Variants in TUSC3 observed in about 807,000 individuals in gnomAD.
TUSC3 encodes the protein tumor suppressor candidate 3.
In TUSC3, 45 loss-of-function variants were observed where a neutral mutation model predicts 44.8. The observed-to-expected ratio is 1.00, with a 90% confidence interval of 0.79 to 1.29. The LOEUF is 1.29. TUSC3 is among the 50% of genes most tolerant of loss of function. TUSC3 has a pLI of 0.00. For synonymous variants in TUSC3, 212 were observed against 152.9 expected (o/e 1.39, Z -2.85); for missense variants, 519 against 437.9 (o/e 1.19, Z -1.65).
the TUSC3 span, among the ~76,000 whole-genome samples, chr8:15,846,657 G>C: frequency 6.9e-4 from 105 of 152,130 alleles, no homozygotes; most frequent in Middle Eastern, 0.014. Context: ...TGGGAATTGA[G>C]GAGTTGAACA....
chr8:15,582,880 A>G (rs1242925301), intron 1 of TUSC3, among the ~76,000 whole-genome samples: 5 of 152,206 alleles, frequency 3.3e-5, no homozygotes, highest in Admixed American at 3.3e-4. Flanking sequence ...TTTTTAGAAG[A>G]CCTACAACCT....
chr8:15,459,854 G>A (rs2410271), intron 1 of TUSC3, among the ~76,000 whole-genome samples: 18,015 of 139,738 alleles, frequency 0.13, 1,335 homozygotes, highest in East Asian at 0.29. Context: ...GTGTGTGTGT[G>A]TATGTGTGTG....
At chr8:15,588,910 C>G (rs557160513) in intron 1 of TUSC3, among the ~76,000 whole-genome samples, 1 of 152,110 alleles carries the variant, frequency 6.6e-6, no homozygotes, top group South Asian at 2.1e-4. Flanking sequence ...TTCCATTGGC[C>G]TTTGTGTCTG....
At chr8:15,664,705 G>A (rs972565305) in intron 5 of TUSC3, among the ~76,000 whole-genome samples, 2 of 149,478 alleles carry the variant, frequency 1.3e-5, no homozygotes, top group African/African-American at 4.9e-5. Flanking sequence ...TGCATCTCTT[G>A]CAGTTTTTCT....
chr8:15,548,705 T>G (rs1801956246), intron 1 of TUSC3, among the ~76,000 whole-genome samples: 1 of 151,958 alleles, frequency 6.6e-6, no homozygotes, highest in African/African-American at 2.4e-5. Context: ...TCTAAAATCA[T>G]TCTACTAAGG....
chr8:15,769,576 C>T (rs1812405669), downstream of TUSC3, among the ~76,000 whole-genome samples: 1 of 152,026 alleles, frequency 6.6e-6, no homozygotes, highest in Non-Finnish European at 1.5e-5. Flanking sequence ...AAAATTGATA[C>T]ATGGGATCTA....
intron 1 of TUSC3, among the ~76,000 whole-genome samples, chr8:15,572,165 A>G (rs568941048): frequency 9.7e-4 from 148 of 152,202 alleles, no homozygotes; most frequent in African/African-American, 3.4e-3. Context: ...TGTTTAGTCT[A>G]CTCTGAACAT....
chr8:15,563,444 T>C (rs1286378153), intron 1 of TUSC3, among the ~76,000 whole-genome samples: 1 of 151,938 alleles, frequency 6.6e-6, no homozygotes, highest in East Asian at 1.9e-4. Context: ...TCCCAGCATT[T>C]TGGGAGGCTG....
Position 15,638,768 on chromosome 8 carries a change from C to T in TUSC3, c.309-11929C>T, listed in dbSNP as rs192477642. 9.2e-5 allele frequency among the ~76,000 whole-genome samples: 14 copies of T among 152,296 alleles called. No individual in the cohort carries two copies. The East Asian group carries it at 2.7e-3, about 29-fold the overall frequency. On this transcript the variant is annotated intron_variant, in intron 2 of 10. Transcript: ENST00000503731. ...CTCAACCTCCCAACCTCAAGTGATC[C>T]ACCTGCCTTGGCCTCCCAAAGTGCT... is the stretch of plus-strand genomic sequence containing the variant.
chr8:15,726,322 T>C (rs1473734158), intron 6 of TUSC3, among the ~76,000 whole-genome samples: 1 of 152,186 alleles, frequency 6.6e-6, no homozygotes, highest in Non-Finnish European at 1.5e-5. Flanking sequence ...GTATGTTACT[T>C]GAAATTAAGA....
chr8:15,851,227 AAT>A, the TUSC3 span, among the ~76,000 whole-genome samples: 51 of 152,288 alleles, frequency 3.3e-4, no homozygotes, highest in Non-Finnish European at 6.3e-4. Context: ...TTGTGAAAAT[AAT>A]AACAATAATT....
upstream of TUSC3, among the ~76,000 whole-genome samples, chr8:15,539,698 T>C (rs917515745): frequency 6.6e-6 from 1 of 152,154 alleles, no homozygotes; most frequent in Non-Finnish European, 1.5e-5. Context: ...GAAGTAAGTC[T>C]ATTCGTTTTT....
At chr8:15,579,873 G>A (rs1803257427) in intron 1 of TUSC3, among the ~76,000 whole-genome samples, 1 of 42,638 alleles carries the variant, frequency 2.3e-5, no homozygotes, top group Non-Finnish European at 5.6e-5. Context: ...GGGTATCCTT[G>A]TTGACTTTCT....
intron 1 of TUSC3, among the ~76,000 whole-genome samples, chr8:15,453,275 G>A (rs1800216626): frequency 6.6e-6 from 1 of 152,010 alleles, no homozygotes; most frequent in Non-Finnish European, 1.5e-5. Flanking sequence ...TTTTAACCAT[G>A]TCTGCAAACC....
chr8:15,554,976 C>T (rs1802191068), intron 1 of TUSC3, among the ~76,000 whole-genome samples: 1 of 151,168 alleles, frequency 6.6e-6, no homozygotes, highest in South Asian at 2.1e-4. Context: ...TGAAGCGCTG[C>T]TAAATCGTGT....
rs570763911 is a variant in TUSC3 at position 15,546,333 on chromosome 8, T to C, written c.138+5765T>C. Among the ~76,000 whole-genome samples, 109 of 151,890 alleles carry C rather than the reference T, an allele frequency of 7.2e-4. 3 individuals carry two copies. The highest frequency in any genetic ancestry group is 7.4e-4 in the Non-Finnish European group (50 of 67,886). On this transcript the variant is annotated intron_variant, in intron 1 of 10. Transcript: ENST00000503731. ...GGCACATCAGTTTTTATCTAATCAC[T>C]TGCCGGTATAATACAGCTTTGTAGT...
At position 15,635,145 on chromosome 8, in the gene TUSC3, G is replaced by A. The variant is rs374330827; in HGVS notation, c.308+11896G>A. ...GGTAACTGTCAAGGAAGGAAAGGAA[G>A]CATTATGCCCGGGAATGGTCAGGAC... On this transcript the variant is annotated intron_variant, in intron 2 of 10. Transcript: ENST00000503731. Among the ~76,000 whole-genome samples, 33 of 152,180 alleles carry A rather than the reference G, an allele frequency of 2.2e-4. 1 individual carries two copies. Among genetic ancestry groups the A allele is most frequent in the Middle Eastern group, 3.4e-3 (1 of 294 alleles).
intron 1 of TUSC3, among the ~76,000 whole-genome samples, chr8:15,562,354 G>A (rs1396126841): frequency 4.6e-5 from 7 of 152,190 alleles, no homozygotes; most frequent in African/African-American, 7.2e-5. Flanking sequence ...CTTTCCATCC[G>A]TCTTATCTCC....
At chr8:15,473,635 G>T (rs571227841) in intron 1 of TUSC3, among the ~76,000 whole-genome samples, 2 of 152,222 alleles carry the variant, frequency 1.3e-5, no homozygotes, top group East Asian at 3.9e-4. Flanking sequence ...ATCATATATC[G>T]GCAGGACCGT....
Sources: allele counts gnomAD v4.1 joint callset (sites outside exome capture counted in the v4.1 genomes callset), GRCh38; gene constraint gnomAD v4.1.1; transcripts MANE v1.5; gene names NCBI Gene and HGNC (gene_info 2026-07-23, HGNC 2026-07-21).